Variants in LINGO2 observed in about 807,000 individuals in gnomAD.
LINGO2 encodes the protein leucine rich repeat and Ig domain containing 2.
A neutral mutation model predicts 30.6 loss-of-function variants in LINGO2; 14 were observed. The ratio of observed to expected loss-of-function variants is 0.46; its 90% CI spans 0.30 to 0.72. The LOEUF is 0.72. Ranked by LOEUF, LINGO2 falls within the 30% of genes least tolerant of loss-of-function variation. The probability of loss-of-function intolerance (pLI) is 0.07; values close to 1 mark genes in which losing one functional copy is unlikely to be tolerated. For missense variants in LINGO2, 729 were observed against 751.7 expected, an observed-to-expected ratio of 0.97 and a Z score of 0.35; for synonymous variants, 317 against 288.5, an observed-to-expected ratio of 1.10 and a Z score of -1.00.
chr9:29,179,143 T>C, the LINGO2 span, among the ~76,000 whole-genome samples: 7 of 136,560 alleles, frequency 5.1e-5, no homozygotes, highest in Non-Finnish European at 1.1e-4. Flanking sequence ...TGATAAAATG[T>C]TCCTTCTTAC....
chr9:28,851,948 C>T, the LINGO2 span, among the ~76,000 whole-genome samples: 2 of 151,826 alleles, frequency 1.3e-5, no homozygotes, highest in African/African-American at 4.8e-5. Flanking sequence ...GGTGACAATA[C>T]TAGTCCTCCT....
the LINGO2 span, among the ~76,000 whole-genome samples, chr9:29,189,838 C>A: frequency 6.6e-6 from 1 of 151,844 alleles, no homozygotes; most frequent in Admixed American, 6.5e-5. Flanking sequence ...AGCGAAACCC[C>A]GTCTCCACCA....
the LINGO2 span, among the ~76,000 whole-genome samples, chr9:29,002,859 C>T: frequency 2.6e-5 from 4 of 151,790 alleles, no homozygotes; most frequent in Non-Finnish European, 5.9e-5. Flanking sequence ...AGTTGTATTC[C>T]CCAAAAAGAT....
At chr9:28,531,067 T>C (rs554647714) in intron 1 of LINGO2, among the ~76,000 whole-genome samples, 1 of 147,216 alleles carries the variant, frequency 6.8e-6, no homozygotes, top group Non-Finnish European at 1.5e-5. Flanking sequence ...ATATATATAA[T>C]ATATAAAATT....
chr9:28,078,622 G>A (rs1026312274), intron 4 of LINGO2, among the ~76,000 whole-genome samples: 1 of 148,210 alleles, frequency 6.7e-6, no homozygotes, highest in Non-Finnish European at 1.5e-5. Context: ...AGGCTGAGGC[G>A]GGCGGATCAC....
chr9:29,035,149 T>C, the LINGO2 span, among the ~76,000 whole-genome samples: 1 of 152,106 alleles, frequency 6.6e-6, no homozygotes, highest in Non-Finnish European at 1.5e-5. Context: ...AGTAATAATT[T>C]GCTATAATAT....
intron 1 of LINGO2, among the ~76,000 whole-genome samples, chr9:28,512,669 A>ATC (rs1820458403): frequency 7.9e-6 from 1 of 126,922 alleles, no homozygotes; most frequent in Non-Finnish European, 1.6e-5. Context: ...ACACATATGG[A>ATC]TATCTATCTA....
intron 1 of LINGO2, among the ~76,000 whole-genome samples, chr9:28,539,762 G>A (rs1384040623): frequency 6.6e-6 from 1 of 152,140 alleles, no homozygotes; most frequent in Admixed American, 6.5e-5. Flanking sequence ...AGGACAAGGT[G>A]ATCTTCAAAT....
At chr9:28,786,840 T>A in the LINGO2 span, among the ~76,000 whole-genome samples, 1 of 152,140 alleles carries the variant, frequency 6.6e-6, no homozygotes, top group Non-Finnish European at 1.5e-5. Flanking sequence ...AAAATAAGGC[T>A]ACTAAAGGAT....
the LINGO2 span, among the ~76,000 whole-genome samples, chr9:28,955,364 C>T: frequency 6.6e-6 from 1 of 152,114 alleles, no homozygotes. Flanking sequence ...CAGATTTTCT[C>T]TCTCTTCTGT....
intron 3 of LINGO2, among the ~76,000 whole-genome samples, chr9:28,321,344 G>C (rs1186320623): frequency 6.6e-6 from 1 of 152,112 alleles, no homozygotes; most frequent in Non-Finnish European, 1.5e-5. Flanking sequence ...TAACATGTTA[G>C]AGGCAGAGAA....
At chr9:28,733,221 A>C in the LINGO2 span, among the ~76,000 whole-genome samples, 1 of 151,800 alleles carries the variant, frequency 6.6e-6, no homozygotes, top group South Asian at 2.1e-4. Flanking sequence ...GAGGGGGGTA[A>C]AAAAAAAGGT....
intron 4 of LINGO2, among the ~76,000 whole-genome samples, chr9:28,194,116 G>T (rs1246579593): frequency 6.6e-6 from 1 of 152,128 alleles, no homozygotes; most frequent in Admixed American, 6.6e-5. Context: ...TCCAAAAGGG[G>T]ATTGTTGAAG....
chr9:27,945,260 T>A (rs924245887), downstream of LINGO2, among the ~76,000 whole-genome samples: 1 of 152,142 alleles, frequency 6.6e-6, no homozygotes, highest in African/African-American at 2.4e-5. Context: ...TAAAAATACA[T>A]GTGTTTGTAC....
At chr9:29,123,429 A>C in the LINGO2 span, among the ~76,000 whole-genome samples, 1 of 152,098 alleles carries the variant, frequency 6.6e-6, no homozygotes, top group Non-Finnish European at 1.5e-5. Context: ...ATATTATTTC[A>C]AATGTAACTT....
chr9:28,164,776 C>A (rs550739885), intron 4 of LINGO2, among the ~76,000 whole-genome samples: 6 of 152,116 alleles, frequency 3.9e-5, no homozygotes, highest in Non-Finnish European at 7.4e-5. Flanking sequence ...GGTGTCTTCC[C>A]GGTTGGTTCC....
chr9:27,969,482 A>T (rs1406930750), intron 5 of LINGO2, among the ~76,000 whole-genome samples: 2 of 152,192 alleles, frequency 1.3e-5, no homozygotes, highest in Non-Finnish European at 1.5e-5. Flanking sequence ...TAATGATAAT[A>T]ATAAAAATAC....
chr9:28,266,597 T>C (rs1822759057), intron 4 of LINGO2, among the ~76,000 whole-genome samples: 1 of 152,006 alleles, frequency 6.6e-6, no homozygotes, highest in Admixed American at 6.6e-5. Flanking sequence ...TTCTCTTTGG[T>C]TATCTCTTTG....
At chr9:28,546,834 C>T (rs1247490342) in intron 1 of LINGO2, among the ~76,000 whole-genome samples, 1 of 152,040 alleles carries the variant, frequency 6.6e-6, no homozygotes, top group Non-Finnish European at 1.5e-5. Context: ...TCTGGGGTAT[C>T]ATTTTCTGAA....
Sources: gnomAD v4.1 joint callset for allele counts (sites outside exome capture counted in the v4.1 genomes callset) on GRCh38, gnomAD v4.1.1 for gene constraint, MANE v1.5 for transcripts, NCBI Gene and HGNC (gene_info 2026-07-23, HGNC 2026-07-21) for gene names.